PTPRD: variants seen among roughly 807,000 people sequenced by gnomAD.
PTPRD encodes the protein protein tyrosine phosphatase receptor type D, also known as receptor-type tyrosine-protein phosphatase delta.
Under a neutral mutation model 214.5 loss-of-function variants are expected in PTPRD, and 34 were observed. The ratio of observed to expected loss-of-function variants is 0.16; its 90% CI spans 0.12 to 0.21. The LOEUF is 0.21. PTPRD is among the 10% of genes least tolerant of loss of function. The probability of loss-of-function intolerance (pLI) is 1.00; values close to 1 mark genes in which losing one functional copy is unlikely to be tolerated. For missense variants in PTPRD, 2,545 were observed against 2,398.7 expected (o/e 1.06, Z -1.27); for synonymous variants, 1,128 against 845.7 (o/e 1.33, Z -5.79).
At chr9:10,108,935 G>A (rs1316969777) in intron 3 of PTPRD, among the ~76,000 whole-genome samples, 1 of 151,108 alleles carries the variant, frequency 6.6e-6, no homozygotes, top group Non-Finnish European at 1.5e-5. Context: ...GCCTATTGTT[G>A]AGAAAGTCCT....
intron 8 of PTPRD, among the ~76,000 whole-genome samples, chr9:9,425,423 ATAAT>A (rs758569516): frequency 6.8e-6 from 1 of 146,898 alleles, no homozygotes; most frequent in African/African-American, 2.5e-5. Flanking sequence ...ATATAATATT[ATAAT>A]ATCTTATACA....
intron 10 of PTPRD, among the ~76,000 whole-genome samples, chr9:9,083,923 G>A (rs1396252874): frequency 6.6e-6 from 1 of 152,124 alleles, no homozygotes; most frequent in Non-Finnish European, 1.5e-5. Flanking sequence ...GAGAGGATGT[G>A]GAGAAATAGG....
At chr9:8,708,812 T>C (rs968528696) in intron 12 of PTPRD, among the ~76,000 whole-genome samples, 1 of 151,336 alleles carries the variant, frequency 6.6e-6, no homozygotes, top group African/African-American at 2.4e-5. Context: ...ATTGCAGTAA[T>C]ACTCACATTA....
chr9:9,572,559 A>ATG (rs201948309), intron 8 of PTPRD, among the ~76,000 whole-genome samples: 3,539 of 115,680 alleles, frequency 0.031, 119 homozygotes, highest in African/African-American at 0.099. Context: ...GCATATATAT[A>ATG]TGTATATATA....
chr9:8,921,426 C>A (rs16928621), intron 11 of PTPRD, among the ~76,000 whole-genome samples: 23,835 of 152,066 alleles, frequency 0.16, 2,001 homozygotes, highest in East Asian at 0.26. Flanking sequence ...GTACCAGTTT[C>A]TGGACTTATT....
intron 2 of PTPRD, among the ~76,000 whole-genome samples, chr9:10,441,200 A>G (rs953528532): frequency 1.3e-5 from 2 of 151,738 alleles, no homozygotes; most frequent in East Asian, 3.9e-4. Context: ...AATCTTTCAT[A>G]TTAGTTACCT....
At chr9:9,989,637 G>A (rs1018519151) in intron 4 of PTPRD, among the ~76,000 whole-genome samples, 6 of 152,088 alleles carry the variant, frequency 3.9e-5, no homozygotes, top group African/African-American at 1.4e-4. Flanking sequence ...CATTCCTCCT[G>A]GACACTGGAA....
chr9:9,575,330 T>G (rs552014483), intron 7 of PTPRD, among the ~76,000 whole-genome samples: 2 of 152,134 alleles, frequency 1.3e-5, no homozygotes, highest in Non-Finnish European at 2.9e-5. Flanking sequence ...CTAAATTATT[T>G]AAGATATTTG....
chr9:8,709,979 C>T (rs1408959639), intron 12 of PTPRD, among the ~76,000 whole-genome samples: 1 of 152,138 alleles, frequency 6.6e-6, no homozygotes, highest in Non-Finnish European at 1.5e-5. Flanking sequence ...GAACAAACAG[C>T]GAACAACTAC....
At chr9:8,521,659 T>A (rs990865134) in intron 19 of PTPRD, 113 bp from the exon 20 acceptor site, 1 of 1,259,352 alleles carries the variant, frequency 7.9e-7, no homozygotes, top group Non-Finnish European at 1.1e-6. Context: ...CATTGTGGAT[T>A]GTCCAAAAAC....
chr9:9,442,808 G>C (rs2088668849), intron 8 of PTPRD, among the ~76,000 whole-genome samples: 1 of 152,032 alleles, frequency 6.6e-6, no homozygotes, highest in African/African-American at 2.4e-5. Context: ...TTTCTGTTTA[G>C]TGTTTTACCC....
At position 8,505,274 on chromosome 9, in the gene PTPRD, G is replaced by A. The variant is rs932531471; in HGVS notation, c.1678-869C>T. Among the ~76,000 whole-genome samples the A allele has an allele frequency of 1.1e-4, 16 of 152,278 alleles. 1 individual carries two copies. The highest frequency in any genetic ancestry group is 9.2e-4 in the Admixed American group (14 of 15,296). On this transcript the variant is annotated intron_variant, in intron 22 of 45. Coordinates refer to ENST00000381196, the MANE Select transcript of PTPRD (RefSeq NM_002839.4). ...AATACATAATCTAGTAATGGTGTGT[G>A]TAATCTTAACACTTTATCAAATAGT... is the stretch of plus-strand genomic sequence containing the variant.
chr9:9,929,950 T>C (rs1185627283), intron 5 of PTPRD, among the ~76,000 whole-genome samples: 1 of 152,138 alleles, frequency 6.6e-6, no homozygotes, highest in Admixed American at 6.5e-5. Context: ...ACACCAGAGA[T>C]AATGGACAGT....
At chr9:9,611,964 T>A (rs2094536508) in intron 7 of PTPRD, among the ~76,000 whole-genome samples, 1 of 152,104 alleles carries the variant, frequency 6.6e-6, no homozygotes, top group Non-Finnish European at 1.5e-5. Flanking sequence ...TCACAAGAAT[T>A]TAAATATATC....
chr9:9,498,827 T>C (rs995007038), intron 8 of PTPRD, among the ~76,000 whole-genome samples: 2 of 152,122 alleles, frequency 1.3e-5, no homozygotes, highest in East Asian at 3.8e-4. Flanking sequence ...AATTACCCAA[T>C]TAGAACATAT....
chr9:8,421,370 T>TTCTCTTCTCTTCTCTTCTCTTCTCTTCTC (rs141962478), intron 35 of PTPRD, among the ~76,000 whole-genome samples: 3 of 146,756 alleles, frequency 2.0e-5, no homozygotes, highest in East Asian at 2.0e-4. Context: ...TTCTCTTCTC[T>TTCTCTTCTCTTCTCTTCTCTTCTCTTCTC]TCTCTCTCTC....
chr9:8,516,913 G>A (rs2097791160), intron 21 of PTPRD, among the ~76,000 whole-genome samples: 1 of 147,784 alleles, frequency 6.8e-6, no homozygotes, highest in Non-Finnish European at 1.5e-5. Context: ...CCAGGTTCAA[G>A]TGATTCTCCT....
chr9:10,516,631 C>T (rs1451289269), intron 2 of PTPRD, among the ~76,000 whole-genome samples: 1 of 151,854 alleles, frequency 6.6e-6, no homozygotes, highest in Non-Finnish European at 1.5e-5. Flanking sequence ...AGAGTCATAT[C>T]CATGAAATCA....
chr9:10,320,358 C>A (rs2096531626), intron 3 of PTPRD, among the ~76,000 whole-genome samples: 1 of 152,012 alleles, frequency 6.6e-6, no homozygotes, highest in Non-Finnish European at 1.5e-5. Flanking sequence ...CTGTTTTAAT[C>A]ACACTAACCT....
Sources: allele counts gnomAD v4.1 joint callset (sites outside exome capture counted in the v4.1 genomes callset), GRCh38; gene constraint gnomAD v4.1.1; transcripts MANE v1.5; gene names NCBI Gene and HGNC (gene_info 2026-07-23, HGNC 2026-07-21).